Variants in EPB41L4A observed in about 807,000 individuals in gnomAD.
EPB41L4A encodes the protein erythrocyte membrane protein band 4.1 like 4A, also known as band 4.1-like protein 4A.
A neutral mutation model predicts 108.6 loss-of-function variants in EPB41L4A; 100 were observed. That is an observed-to-expected ratio of 0.92 (90% CI 0.78 to 1.09). The LOEUF (loss-of-function observed/expected upper bound fraction) is 1.09. Ranked by LOEUF, EPB41L4A falls within the 50% of genes least tolerant of loss-of-function variation. EPB41L4A has a pLI of 0.00. For synonymous variants in EPB41L4A, 319 were observed against 289.0 expected (o/e 1.10, Z -1.05); for missense variants, 1,030 against 842.7 (o/e 1.22, Z -2.75).
At chr5:112,301,687 G>T (rs1357298578) in intron 2 of EPB41L4A, among the ~76,000 whole-genome samples, 1 of 152,074 alleles carries the variant, frequency 6.6e-6, no homozygotes, top group African/African-American at 2.4e-5. Context: ...CCGTCCGAGT[G>T]GGAACTGCAA....
intron 1 of EPB41L4A, among the ~76,000 whole-genome samples, chr5:112,408,730 C>CAAAAAAAAAAAA (rs1762241597): frequency 1.1e-5 from 1 of 88,374 alleles, no homozygotes; most frequent in African/African-American, 5.1e-5. Context: ...GGCCAGTAAG[C>CAAAAAAAAAAAA]ACAAGAAAAG....
At chr5:112,175,088 G>A (rs1760793581) in intron 18 of EPB41L4A, 1 of 152,286 alleles carries the variant, frequency 6.6e-6, no homozygotes, top group Admixed American at 6.5e-5. Context: ...AGACTTATAT[G>A]TTTTGTGTGT....
intron 10 of EPB41L4A, 128 bp downstream of exon 10, chr5:112,240,591 T>A: frequency 1.7e-6 from 1 of 583,724 alleles, no homozygotes. Flanking sequence ...ATCCAGAGAA[T>A]TAGGAATTGA....
chr5:112,320,035 A>G (rs911600967), intron 1 of EPB41L4A, among the ~76,000 whole-genome samples: 7 of 152,254 alleles, frequency 4.6e-5, no homozygotes, highest in African/African-American at 1.7e-4. Flanking sequence ...AGTTGTTTGT[A>G]TTATGATTAC....
intron 1 of EPB41L4A, among the ~76,000 whole-genome samples, chr5:112,307,923 A>G (rs1053883026): frequency 1.2e-4 from 19 of 152,184 alleles, no homozygotes; most frequent in Admixed American, 3.9e-4. Flanking sequence ...GAAGATATAT[A>G]AAACTAACAA....
At chr5:112,210,226 T>C in intron 12 of EPB41L4A, 1 of 314,336 alleles carries the variant, frequency 3.2e-6, no homozygotes. Context: ...ACTTTAAAAC[T>C]AAGTCTCCAC....
At chr5:112,384,583 G>A (rs1429809892) in intron 1 of EPB41L4A, among the ~76,000 whole-genome samples, 1 of 151,876 alleles carries the variant, frequency 6.6e-6, no homozygotes, top group Non-Finnish European at 1.5e-5. Flanking sequence ...ACAGATGGGA[G>A]CAGAAGGTAT....
chr5:112,368,350 AC>A (rs1297219852), intron 1 of EPB41L4A, among the ~76,000 whole-genome samples: 1 of 151,124 alleles, frequency 6.6e-6, no homozygotes, highest in Non-Finnish European at 1.5e-5. Flanking sequence ...ACTCCCTCCC[AC>A]CTCTTCTGAT....
chr5:112,168,125 C>A (rs1207966128), intron 22 of EPB41L4A, among the ~76,000 whole-genome samples: 1 of 152,130 alleles, frequency 6.6e-6, no homozygotes, highest in Non-Finnish European at 1.5e-5. Context: ...CACATTTTTT[C>A]CCATCTTATT....
chr5:112,167,261 G>C (rs931112968), intron 22 of EPB41L4A, among the ~76,000 whole-genome samples: 2 of 152,090 alleles, frequency 1.3e-5, no homozygotes, highest in Non-Finnish European at 2.9e-5. Flanking sequence ...AGTACACAGA[G>C]ATGAAACACA....
intron 1 of EPB41L4A, among the ~76,000 whole-genome samples, chr5:112,396,870 T>C (rs1761388454): frequency 6.6e-6 from 1 of 152,250 alleles, no homozygotes; most frequent in Admixed American, 6.5e-5. Context: ...AAGAAATGTA[T>C]GGGTATACTT....
intron 1 of EPB41L4A, among the ~76,000 whole-genome samples, chr5:112,325,124 C>A (rs1458846412): frequency 2.1e-5 from 3 of 146,302 alleles, no homozygotes; most frequent in Non-Finnish European, 4.5e-5. Flanking sequence ...GTCATCCAAA[C>A]TGCGAGAAAT....
At chr5:112,195,837 C>A (rs147096157) in intron 15 of EPB41L4A, 129 bp from the exon 16 acceptor site, 6 of 771,966 alleles carry the variant, frequency 7.8e-6, no homozygotes, top group Admixed American at 4.9e-5. Context: ...CAAACATTTA[C>A]GTCATATGTA....
intron 1 of EPB41L4A, among the ~76,000 whole-genome samples, chr5:112,377,155 T>C (rs1432062514): frequency 6.6e-6 from 1 of 150,472 alleles, no homozygotes; most frequent in Non-Finnish European, 1.5e-5. Context: ...CAATGAATCA[T>C]GATCATGCCA....
In EPB41L4A at chr5:112,170,466, T is replaced by C; in HGVS notation, c.1671-97A>G. The C allele has an allele frequency of 6.3e-6, 5 of 789,246 alleles. No homozygotes were observed. The Admixed American group carries it at 1.3e-4, about 21-fold the overall frequency. The allele number at this position is 789,246 out of a possible 1,614,324, so 48.9% of individuals were successfully genotyped here. ...GGTGAGTTTTCCCTTTCTAATCTTG[T>C]CCCAAAACAGTGTTAGTAAAACTAA... is the stretch of plus-strand genomic sequence containing the variant. On this transcript the variant is annotated intron_variant, in intron 19 of 22. Coordinates refer to ENST00000261486, the MANE Select transcript of EPB41L4A (RefSeq NM_022140.5).
intron 1 of EPB41L4A, among the ~76,000 whole-genome samples, chr5:112,321,994 G>A (rs1016403176): frequency 6.6e-6 from 1 of 152,134 alleles, no homozygotes; most frequent in African/African-American, 2.4e-5. Context: ...TTATGTCATA[G>A]TTCAACATTA....
chr5:112,233,867 C>T (rs1749135622), intron 12 of EPB41L4A, among the ~76,000 whole-genome samples: 1 of 152,108 alleles, frequency 6.6e-6, no homozygotes, highest in African/African-American at 2.4e-5. Context: ...CTCAGTCTAT[C>T]ACCCAGGCTG....
intron 1 of EPB41L4A, among the ~76,000 whole-genome samples, chr5:112,370,787 T>TGCCTGTAGTCCCAGCTACTCAGGA (rs1220562772): frequency 3.3e-5 from 5 of 152,204 alleles, no homozygotes; most frequent in Non-Finnish European, 5.9e-5. Flanking sequence ...TGGTGGCACA[T>TGCCTGTAGTCCCAGCTACTCAGGA]GCCTGTAGTC....
rs113998684 is a variant in EPB41L4A at position 112,284,612 on chromosome 5, G to A, written c.205-4289C>T. Among the ~76,000 whole-genome samples the A allele has an allele frequency of 9.0e-3, 1,373 of 152,262 alleles. 12 individuals carry two copies. The highest frequency in any genetic ancestry group is 0.017 in the Middle Eastern group (5 of 294). ...AGCTGGATGAGATCCCATTTTGTAG[G>A]AAGGTAACAATGAACCCAAACAGAC... On this transcript the variant is annotated intron_variant, in intron 2 of 22. Transcript: ENST00000261486.
Sources: allele counts gnomAD v4.1 joint callset (sites outside exome capture counted in the v4.1 genomes callset), GRCh38; gene constraint gnomAD v4.1.1; transcripts MANE v1.5; gene names NCBI Gene and HGNC (gene_info 2026-07-23, HGNC 2026-07-21).